Variants in PPP1R7 observed in about 807,000 individuals in gnomAD.
The protein encoded by PPP1R7 is protein phosphatase 1 regulatory subunit 22.
In PPP1R7, 18 loss-of-function variants were observed where a neutral mutation model predicts 45.2. The observed-to-expected ratio is 0.40, with a 90% CI of 0.28 to 0.59. The LOEUF is 0.59. Ranked by LOEUF, PPP1R7 falls within the 20% of genes least tolerant of loss-of-function variation. The probability of loss-of-function intolerance (pLI) is 0.46; values close to 1 mark genes in which losing one functional copy is unlikely to be tolerated. For missense variants in PPP1R7, 314 were observed against 455.8 expected, an observed-to-expected ratio of 0.69 and a Z score of 2.83; for synonymous variants, 181 against 183.4, an observed-to-expected ratio of 0.99 and a Z score of 0.11.
chr2:241,150,643 G>T (rs2067247101), intron 1 of PPP1R7, 96 bp downstream of exon 1: 2 of 1,346,440 alleles, frequency 1.5e-6, no homozygotes, highest in Non-Finnish European at 1.9e-6. Context: ...TCCACGTCCT[G>T]CCTCTGGCCG....
rs555263980 is a variant in PPP1R7, at chr2:241,154,695, T to A, written c.181+1091T>A. Among the ~76,000 whole-genome samples the A allele has an allele frequency of 1.6e-3, 231 of 141,440 alleles. 2 individuals carry two copies. Among genetic ancestry groups the A allele is most frequent in the Middle Eastern group, 3.9e-3 (1 of 254 alleles). 92.8% of individuals were successfully genotyped at this position (141,440 alleles called of 152,430 possible). A position where few individuals can be genotyped will look rare whatever the true frequency, so the allele number is the denominator to read the frequency against. ...ACTCCAGCCGGGGTCAGAATGAGAC[T>A]CCATCTCAAAACAAAAAAGTTTCTG... On this transcript the variant is annotated intron_variant, in intron 2 of 9. Coordinates refer to ENST00000234038, the MANE Select transcript of PPP1R7 (RefSeq NM_002712.3).
intron 5 of PPP1R7, 116 bp downstream of exon 5, chr2:241,159,459 C>A: frequency 7.5e-7 from 1 of 1,329,466 alleles, no homozygotes; most frequent in East Asian, 2.6e-5. Context: ...CTGCCTCTGC[C>A]ACAGGGTCCT....
At chr2:241,163,253 C>T (rs1326104615) in intron 6 of PPP1R7, 32 bp from the exon 7 acceptor site, 4 of 1,466,930 alleles carry the variant, frequency 2.7e-6, no homozygotes, top group Non-Finnish European at 2.9e-6. Flanking sequence ...CTGTCAACTG[C>T]AGTACTCATT....
intron 6 of PPP1R7, among the ~76,000 whole-genome samples, chr2:241,162,510 C>T (rs1048402939): frequency 6.6e-6 from 1 of 152,042 alleles, no homozygotes; most frequent in Non-Finnish European, 1.5e-5. Context: ...AATAGAGGAG[C>T]ACACGATCAC....
intron 7 of PPP1R7, among the ~76,000 whole-genome samples, chr2:241,165,034 C>T (rs1006492585): frequency 1.8e-4 from 27 of 151,704 alleles, no homozygotes; most frequent in Admixed American, 1.7e-3. Flanking sequence ...GGTGACAGAG[C>T]GAGAGTCCAT....
intron 2 of PPP1R7, among the ~76,000 whole-genome samples, chr2:241,154,784 A>G (rs1455685728): frequency 6.6e-6 from 1 of 152,222 alleles, no homozygotes; most frequent in Non-Finnish European, 1.5e-5. Context: ...AAACGGGCTG[A>G]GTCTGTCCAA....
At chr2:241,150,362 T>G (rs2067229136), upstream of PPP1R7, 3 of 1,344,488 alleles carry the variant, frequency 2.2e-6, 1 homozygote, top group South Asian at 5.7e-5. Flanking sequence ...CATGAGGCGC[T>G]GGGCCCACGC....
At chr2:241,163,630 G>T (rs765627631) in intron 7 of PPP1R7, among the ~76,000 whole-genome samples, 14 of 152,020 alleles carry the variant, frequency 9.2e-5, no homozygotes, top group Non-Finnish European at 1.6e-4. Flanking sequence ...TAGAAACAGG[G>T]TCTTTATCTG....
chr2:241,151,542 G>C (rs1185213564), intron 1 of PPP1R7: 1 of 471,116 alleles, frequency 2.1e-6, no homozygotes, highest in African/African-American at 2.0e-5. Flanking sequence ...GGAGAAAACT[G>C]CTGTCAAAAG....
At chr2:241,180,388 T>TA (rs58267372) in intron 9 of PPP1R7, among the ~76,000 whole-genome samples, 2,791 of 99,918 alleles carry the variant, frequency 0.028, 99 homozygotes, top group East Asian at 0.1. Flanking sequence ...GCTGGTGAGC[T>TA]AAAAAAAAAA....
intron 8 of PPP1R7, among the ~76,000 whole-genome samples, chr2:241,167,328 TG>T (rs1244248390): frequency 6.6e-6 from 1 of 152,246 alleles, no homozygotes; most frequent in Non-Finnish European, 1.5e-5. Flanking sequence ...CATAAAATTT[TG>T]GAAAAATTCA....
At chr2:241,151,236 C>T (rs1309987354) in intron 1 of PPP1R7, among the ~76,000 whole-genome samples, 1 of 152,208 alleles carries the variant, frequency 6.6e-6, no homozygotes, top group Non-Finnish European at 1.5e-5. Flanking sequence ...TGCGTGCACA[C>T]ACCCACTTAG....
At chr2:241,157,901 T>G in intron 3 of PPP1R7, 39 bp downstream of exon 3, 1 of 1,575,336 alleles carries the variant, frequency 6.3e-7, no homozygotes, top group African/African-American at 1.3e-5. Context: ...GGCGTGGTGA[T>G]GGACCACCCT....
At chr2:241,166,516 C>T in intron 8 of PPP1R7, 75 bp downstream of exon 8, 1 of 1,269,744 alleles carries the variant, frequency 7.9e-7, no homozygotes, top group Non-Finnish European at 1.1e-6. Flanking sequence ...CCAGCCAGCA[C>T]ACACTGGCCT....
At chr2:241,174,701 G>C (rs1197877567) in intron 9 of PPP1R7, among the ~76,000 whole-genome samples, 2 of 149,122 alleles carry the variant, frequency 1.3e-5, no homozygotes, top group African/African-American at 5.0e-5. Flanking sequence ...TTGAGATAGA[G>C]TCTTGCTCTG....
At chr2:241,151,044 C>T (rs2067277598) in intron 1 of PPP1R7, among the ~76,000 whole-genome samples, 2 of 152,164 alleles carry the variant, frequency 1.3e-5, no homozygotes, top group Admixed American at 1.3e-4. Context: ...AAGGTGATAC[C>T]TGTTTTCAAA....
intron 9 of PPP1R7, among the ~76,000 whole-genome samples, chr2:241,177,606 G>A (rs979470837): frequency 2.6e-5 from 4 of 152,196 alleles, no homozygotes; most frequent in East Asian, 1.9e-4. Flanking sequence ...GAAAGAAAGC[G>A]ATTCAATAGA....
chr2:241,158,452 A>G (rs763753351), intron 3 of PPP1R7, 32 bp from the exon 4 acceptor site: 1 of 1,609,770 alleles, frequency 6.2e-7, no homozygotes, highest in South Asian at 1.1e-5. Flanking sequence ...CCACTTTGCT[A>G]TAGCTGAGTA....
intron 9 of PPP1R7, among the ~76,000 whole-genome samples, chr2:241,180,082 C>T (rs1203340299): frequency 1.3e-5 from 2 of 152,206 alleles, no homozygotes; most frequent in Admixed American, 6.5e-5. Context: ...AACACAAATA[C>T]ATCACATATC....
Sources: allele counts gnomAD v4.1 joint callset (sites outside exome capture counted in the v4.1 genomes callset), GRCh38; gene constraint gnomAD v4.1.1; transcripts MANE v1.5; gene names NCBI Gene and HGNC (gene_info 2026-07-23, HGNC 2026-07-21).